FSTL5: variants seen among roughly 807,000 people sequenced by gnomAD.
FSTL5 encodes the protein follistatin-related protein 5.
A neutral mutation model predicts 89.1 loss-of-function variants in FSTL5; 62 were observed. The observed-to-expected ratio is 0.70, with a 90% CI of 0.57 to 0.86. The LOEUF (loss-of-function observed/expected upper bound fraction) is 0.86. Among genes scored for constraint, FSTL5 ranks in the 40% least tolerant of loss-of-function variants. The probability of loss-of-function intolerance (pLI) is 0.00; values close to 1 mark genes in which losing one functional copy is unlikely to be tolerated. For synonymous variants in FSTL5, 383 were observed against 346.2 expected (o/e 1.11, Z -1.18); for missense variants, 1,057 against 1,001.6 (o/e 1.06, Z -0.75).
intron 8 of FSTL5, among the ~76,000 whole-genome samples, chr4:161,573,343 G>C: frequency 6.7e-6 from 1 of 149,908 alleles, no homozygotes; most frequent in Non-Finnish European, 1.5e-5. Flanking sequence ...CCAGAAAGTG[G>C]AGCTTGCAGT....
At chr4:161,735,663 T>C (rs900414563) in intron 6 of FSTL5, among the ~76,000 whole-genome samples, 9 of 152,180 alleles carry the variant, frequency 5.9e-5, no homozygotes, top group Admixed American at 2.0e-4. Context: ...GTATAAATAC[T>C]TTCATTTGTT....
chr4:161,609,193 T>C (rs902136898), intron 7 of FSTL5, among the ~76,000 whole-genome samples: 5 of 152,134 alleles, frequency 3.3e-5, no homozygotes, highest in African/African-American at 1.2e-4. Context: ...GGCATTTGAA[T>C]AAATTAATGA....
intron 4 of FSTL5, among the ~76,000 whole-genome samples, chr4:161,785,178 ATC>A (rs1741854012): frequency 6.6e-6 from 1 of 152,180 alleles, no homozygotes; most frequent in African/African-American, 2.4e-5. Flanking sequence ...GTAAGCACAT[ATC>A]TCAAAAATAA....
intron 3 of FSTL5, among the ~76,000 whole-genome samples, chr4:162,007,844 C>T (rs1736654684): frequency 6.6e-6 from 1 of 151,768 alleles, no homozygotes; most frequent in South Asian, 2.1e-4. Context: ...ATGAGCTGAG[C>T]ATGAAACAAT....
intron 1 of FSTL5, among the ~76,000 whole-genome samples, chr4:162,159,131 AAAT>A (rs1561051924): frequency 6.6e-6 from 1 of 151,800 alleles, no homozygotes; most frequent in African/African-American, 2.4e-5. Flanking sequence ...GGAATTTTAA[AAAT>A]AATAATAACT....
At chr4:161,433,298 G>T (rs1732445502) in intron 15 of FSTL5, among the ~76,000 whole-genome samples, 1 of 151,708 alleles carries the variant, frequency 6.6e-6, no homozygotes, top group Non-Finnish European at 1.5e-5. Flanking sequence ...TGGAATAAAG[G>T]ACAAAAATTA....
chr4:162,011,732 G>A (rs895675241), intron 3 of FSTL5, among the ~76,000 whole-genome samples: 4 of 152,028 alleles, frequency 2.6e-5, no homozygotes, highest in Non-Finnish European at 5.9e-5. Context: ...CCTGACCGCA[G>A]GTGATCTGCC....
At chr4:162,083,392 A>T (rs1004513310) in intron 2 of FSTL5, among the ~76,000 whole-genome samples, 7 of 151,764 alleles carry the variant, frequency 4.6e-5, no homozygotes, top group African/African-American at 1.7e-4. Flanking sequence ...TGGCTTTATT[A>T]AAGTATGAAA....
chr4:162,097,402 A>G (rs1730808392), intron 2 of FSTL5, among the ~76,000 whole-genome samples: 1 of 151,800 alleles, frequency 6.6e-6, no homozygotes, highest in Non-Finnish European at 1.5e-5. Flanking sequence ...ATCATATGTA[A>G]CTTGTAGCAA....
intron 6 of FSTL5, among the ~76,000 whole-genome samples, chr4:161,739,147 T>A (rs982335535): frequency 1.3e-5 from 2 of 152,240 alleles, no homozygotes; most frequent in South Asian, 2.1e-4. Context: ...TTTTAGAATG[T>A]GTCCTTATTT....
At chr4:162,024,135 A>G (rs2111166466) in intron 3 of FSTL5, among the ~76,000 whole-genome samples, 1 of 152,322 alleles carries the variant, frequency 6.6e-6, no homozygotes, top group South Asian at 2.1e-4. Flanking sequence ...AGCATATGCA[A>G]ACTTTATTTA....
At position 161,452,526 on chromosome 4, in the gene FSTL5, A is replaced by T. The variant is rs561044508; in HGVS notation, c.1841+2478T>A. 1.8e-4 allele frequency among the ~76,000 whole-genome samples: 27 copies of T among 152,160 alleles called. No individual in the cohort carries two copies. In the South Asian group the frequency reaches 5.6e-3, roughly 32 times the overall value. On this transcript the variant is annotated intron_variant, in intron 15 of 15. Coordinates refer to ENST00000306100, the MANE Select transcript of FSTL5 (RefSeq NM_020116.5). ...TGAAATTGATAGGAGAAAAGACCAT[A>T]TTCATTGCTCAGGTGTTCCTGATGT...
chr4:161,652,655 A>T (rs1022455347), intron 7 of FSTL5, among the ~76,000 whole-genome samples: 1 of 152,108 alleles, frequency 6.6e-6, no homozygotes, highest in Admixed American at 6.6e-5. Context: ...ATAAAAATAT[A>T]TTTTAATTAA....
rs75124878 is a variant in FSTL5, at chr4:162,053,327, A to T, written c.127-19669T>A. Among the ~76,000 whole-genome samples the T allele has an allele frequency of 5.7e-3, 866 of 151,886 alleles. 14 individuals carry two copies. The highest frequency in any genetic ancestry group is 0.028 in the Admixed American group (428 of 15,220). On this transcript the variant is annotated intron_variant, in intron 2 of 15. Coordinates refer to ENST00000306100, the MANE Select transcript of FSTL5 (RefSeq NM_020116.5). ...CAGTGCAAATTTATACTGTGGATAT[A>T]GTCACAAAAACTCAAGAAATAAGTT...
intron 4 of FSTL5, among the ~76,000 whole-genome samples, chr4:161,897,398 A>C (rs1733195310): frequency 6.6e-6 from 1 of 151,372 alleles, no homozygotes; most frequent in African/African-American, 2.4e-5. Flanking sequence ...TATTTCACAA[A>C]AGGGGAGTTT....
intron 3 of FSTL5, among the ~76,000 whole-genome samples, chr4:161,945,451 A>T (rs1734708485): frequency 6.6e-6 from 1 of 152,076 alleles, no homozygotes; most frequent in African/African-American, 2.4e-5. Flanking sequence ...AATAAATGTG[A>T]TCACATAAAA....
At position 161,888,905 on chromosome 4, in the gene FSTL5, C is replaced by T. The variant is rs545340870; in HGVS notation, c.409+31499G>A. The stretch of plus-strand genomic sequence containing the variant: ...CAGGATTTCTTCGTGAGTCATCTAT[C>T]TATACAACATATATTTTTATTTTTT... On this transcript the variant is annotated intron_variant, in intron 4 of 15. Coordinates refer to ENST00000306100, the MANE Select transcript of FSTL5 (RefSeq NM_020116.5). Among the ~76,000 whole-genome samples, 589 of 152,152 alleles carry T rather than the reference C, an allele frequency of 3.9e-3. 3 individuals are homozygous for T. The highest frequency in any genetic ancestry group is 0.013 in the African/African-American group (524 of 41,510).
At chr4:161,633,844 T>C (rs778370849) in intron 7 of FSTL5, among the ~76,000 whole-genome samples, 18 of 152,158 alleles carry the variant, frequency 1.2e-4, no homozygotes, top group Non-Finnish European at 1.9e-4. Flanking sequence ...ACTAGCAAGA[T>C]AATAAAGCTA....
chr4:161,589,239 C>T (rs917187591), intron 7 of FSTL5, among the ~76,000 whole-genome samples: 1 of 152,032 alleles, frequency 6.6e-6, no homozygotes, highest in Admixed American at 6.6e-5. Context: ...AATGGCATGA[C>T]CTCGTCTCAC....
Sources: allele counts gnomAD v4.1 joint callset (sites outside exome capture counted in the v4.1 genomes callset), GRCh38; gene constraint gnomAD v4.1.1; transcripts MANE v1.5; gene names NCBI Gene and HGNC (gene_info 2026-07-23, HGNC 2026-07-21).